Variants in C2CD5 observed in about 807,000 individuals in gnomAD.
C2CD5 encodes C2 domain-containing protein 5.
A neutral mutation model predicts 130.3 loss-of-function variants in C2CD5; 109 were observed. The ratio of observed to expected loss-of-function variants is 0.84; its 90% CI spans 0.72 to 0.98. C2CD5 has a LOEUF of 0.98. Among genes scored for constraint, C2CD5 ranks in the 50% least tolerant of loss-of-function variants. The pLI, the probability that C2CD5 is intolerant of heterozygous loss-of-function variation, is 0.00. For missense variants in C2CD5, 996 were observed against 1,261.8 expected (o/e 0.79, Z 3.19); for synonymous variants, 454 against 429.2 (o/e 1.06, Z -0.71).
chr12:22,453,837 G>A (rs1001540059), intron 26 of C2CD5, 59 bp downstream of exon 26: 1 of 1,530,580 alleles, frequency 6.5e-7, no homozygotes, highest in South Asian at 1.2e-5. Context: ...TTAGGGGTAG[G>A]AAGCCATGGA....
At chr12:22,523,038 AC>A (rs1473986890) in intron 7 of C2CD5, among the ~76,000 whole-genome samples, 3 of 151,774 alleles carry the variant, frequency 2.0e-5, no homozygotes, top group Non-Finnish European at 4.4e-5. Context: ...ACATGACAAA[AC>A]CCCATCTCTA....
intron 22 of C2CD5, among the ~76,000 whole-genome samples, chr12:22,467,712 C>CT: frequency 6.6e-6 from 1 of 152,288 alleles, no homozygotes; most frequent in Middle Eastern, 3.4e-3. Context: ...CTCACGGTCC[C>CT]TCTCAATTCT....
At chr12:22,466,538 G>A (rs1333424612) in intron 22 of C2CD5, among the ~76,000 whole-genome samples, 1 of 151,848 alleles carries the variant, frequency 6.6e-6, no homozygotes. Flanking sequence ...GTTACAACAC[G>A]CAATTACTCC....
At chr12:22,543,877 A>G (rs917715917) in intron 2 of C2CD5, among the ~76,000 whole-genome samples, 184 bp downstream of exon 2, 2 of 151,948 alleles carry the variant, frequency 1.3e-5, no homozygotes, top group Admixed American at 6.6e-5. Flanking sequence ...GGACGCCTGC[A>G]AGCCGTGCAC....
At chr12:22,541,452 A>G (rs1952372268) in intron 2 of C2CD5, among the ~76,000 whole-genome samples, 6 of 152,162 alleles carry the variant, frequency 3.9e-5, no homozygotes, top group Admixed American at 2.0e-4. Context: ...ACTCTTAATC[A>G]TGGCCTTAGT....
At chr12:22,520,548 G>A (rs1208595430) in intron 7 of C2CD5, among the ~76,000 whole-genome samples, 1 of 152,042 alleles carries the variant, frequency 6.6e-6, no homozygotes, top group Non-Finnish European at 1.5e-5. Flanking sequence ...ATTCATTGGT[G>A]ATCTACTTTT....
chr12:22,493,613 C>T (rs942454341), intron 10 of C2CD5, among the ~76,000 whole-genome samples: 1 of 151,936 alleles, frequency 6.6e-6, no homozygotes, highest in African/African-American at 2.4e-5. Flanking sequence ...AATGTAGACC[C>T]AGAGTTTCCA....
rs1349108718 is a variant in C2CD5, at chr12:22,449,321, A to G, written c.*439T>C. On this transcript the variant is annotated 3_prime_UTR_variant, in exon 27 of 27. Transcript: ENST00000446597. ...AAATCTACATAGCAGTTTTCTGAAA[A>G]CTTTTCTCCATTGTCCCCACACATT... is the stretch of plus-strand genomic sequence containing the variant. 1 of 152,804 alleles carries G rather than the reference A, an allele frequency of 6.5e-6. No individual in the cohort carries two copies. Among genetic ancestry groups the G allele is most frequent in the Non-Finnish European group, 1.5e-5 (1 of 68,480 alleles). 9.5% of individuals were successfully genotyped at this position (152,804 alleles called of 1,614,324 possible). A position where few individuals can be genotyped will look rare whatever the true frequency, so the allele number is the denominator to read the frequency against.
chr12:22,457,155 G>A lies in C2CD5; in HGVS notation c.2693C>T (p.Thr898Ile), dbSNP rs1428903443. The A allele has an allele frequency of 4.4e-6, 7 of 1,597,892 alleles. No homozygotes were observed. The Admixed American group carries it at 1.2e-4, about 28-fold the overall frequency. Reference sequence around the variant, plus strand: ...ACCCACTGGACTTGCTTTTTCAACTGTCATGGCTAAAATTGGAGAAAAATG... The same window carrying A: ...ACCCACTGGACTTGCTTTTTCAACTATCATGGCTAAAATTGGAGAAAAATG... ...IRRGSIKTTM[T>I]VEKASPVGDG... The change falls in exon 25 of 27, where the codon ACA becomes ATA. Residue 898 changes from threonine to isoleucine, a missense_variant. This residue lies in a region of C2CD5 where 590 missense variants were observed against 631.4 expected (regional missense o/e 0.93). Transcript: ENST00000446597.
Position 22,530,111 on chromosome 12 carries a change from TACACACAC to T in C2CD5, c.178-2227_178-2220del, listed in dbSNP as rs199603129. On this transcript the variant is annotated intron_variant, in intron 3 of 26. Coordinates refer to ENST00000446597, the MANE Select transcript of C2CD5 (RefSeq NM_001286176.2). ...ATATATATATATATATATATATATA[TACACACAC>T]ACACACACACACACACACACAGTGT... Among the ~76,000 whole-genome samples, 198 of 87,514 alleles carry T rather than the reference TACACACAC, an allele frequency of 2.3e-3. 1 individual carries two copies. The highest frequency in any genetic ancestry group is 3.4e-3 in the South Asian group (9 of 2,626). 57.4% of individuals were successfully genotyped at this position (87,514 alleles called of 152,430 possible). A position where few individuals can be genotyped will look rare whatever the true frequency, so the allele number is the denominator to read the frequency against.
At chr12:22,530,373 A>G (rs982578151) in intron 3 of C2CD5, among the ~76,000 whole-genome samples, 5 of 151,382 alleles carry the variant, frequency 3.3e-5, no homozygotes, top group Non-Finnish European at 7.4e-5. Context: ...TACATAATCA[A>G]TGTTAACTAT....
intron 12 of C2CD5, among the ~76,000 whole-genome samples, chr12:22,487,419 G>A (rs1401415829): frequency 6.6e-6 from 1 of 152,160 alleles, no homozygotes; most frequent in Non-Finnish European, 1.5e-5. Flanking sequence ...CTCAAAAGAA[G>A]ACATTTATGC....
At chr12:22,467,522 T>A (rs193128264) in intron 22 of C2CD5, among the ~76,000 whole-genome samples, 1 of 152,338 alleles carries the variant, frequency 6.6e-6, no homozygotes, top group South Asian at 2.1e-4. Context: ...AATGGGAATA[T>A]GTTAATAATT....
At chr12:22,457,355 A>G (rs543129913) in intron 24 of C2CD5, among the ~76,000 whole-genome samples, 194 bp from the exon 25 acceptor site, 1 of 152,330 alleles carries the variant, frequency 6.6e-6, no homozygotes, top group African/African-American at 2.4e-5. Context: ...AAATGCTGGA[A>G]TGGAATTCTT....
intron 15 of C2CD5, among the ~76,000 whole-genome samples, chr12:22,476,382 A>G (rs1337586340): frequency 1.3e-5 from 2 of 152,164 alleles, no homozygotes; most frequent in Non-Finnish European, 1.5e-5. Context: ...TAATGTAGTC[A>G]GTATCTACAA....
In C2CD5 at chr12:22,448,999, A is replaced by G. The variant is rs184924390; in HGVS notation, c.*761T>C. 176 of 152,492 alleles carry G rather than the reference A, an allele frequency of 1.2e-3. No homozygotes were observed. The highest frequency in any genetic ancestry group is 4.2e-3 in the African/African-American group (175 of 41,576). The allele number at this position is 152,492 out of a possible 1,614,324, so 9.4% of individuals were successfully genotyped here. A position where few individuals can be genotyped will look rare whatever the true frequency, so the allele number is the denominator to read the frequency against. On this transcript the variant is annotated 3_prime_UTR_variant, in exon 27 of 27. Coordinates refer to ENST00000446597, the MANE Select transcript of C2CD5 (RefSeq NM_001286176.2). ...AGTCAACTGCATTTTTACTACTTTAACAAAATTCACTGACATTTTTATCCC... is the reference window on the plus strand; with the variant it reads ...AGTCAACTGCATTTTTACTACTTTAGCAAAATTCACTGACATTTTTATCCC...
At chr12:22,475,870 C>T (rs1189883153) in intron 15 of C2CD5, among the ~76,000 whole-genome samples, 1 of 151,974 alleles carries the variant, frequency 6.6e-6, no homozygotes, top group Non-Finnish European at 1.5e-5. Context: ...TAGTAGTCTG[C>T]CTAAATTTGG....
intron 9 of C2CD5, among the ~76,000 whole-genome samples, chr12:22,509,079 C>T (rs1020725354): frequency 6.6e-6 from 1 of 151,710 alleles, no homozygotes; most frequent in African/African-American, 2.4e-5. Context: ...GGGGTTTCAC[C>T]TTGTTAGCCA....
chr12:22,469,712 T>TA lies in C2CD5; in HGVS notation c.2529dup (p.Lys844Ter), dbSNP rs1942708903. 6.3e-7 allele frequency: 1 copy of TA among 1,595,752 alleles called. No individual in the cohort carries two copies. Among genetic ancestry groups the TA allele is most frequent in the Non-Finnish European group, 8.5e-7 (1 of 1,170,092 alleles). On this transcript the variant is annotated frameshift_variant, in exon 22 of 27. Transcript: ENST00000446597. LOFTEE classifies it high-confidence loss of function. ...CTTTTTCCCTCACTTAACCAACCTT[T>TA]AGCTGGTGGAAAAGGATGAGAAGGA...
Sources: allele counts gnomAD v4.1 joint callset (sites outside exome capture counted in the v4.1 genomes callset), GRCh38; gene constraint gnomAD v4.1.1; regional missense constraint gnomAD v4.1.1; transcripts MANE v1.5; gene names NCBI Gene and HGNC (gene_info 2026-07-23, HGNC 2026-07-21).